Variants in SLC51A observed in about 807,000 individuals in gnomAD.
SLC51A encodes organic solute transporter subunit alpha.
In SLC51A, 22 loss-of-function variants were observed where a neutral mutation model predicts 34.8. The observed-to-expected ratio is 0.63, with a 90% CI of 0.45 to 0.90. SLC51A has a LOEUF of 0.90. SLC51A is among the 40% of genes least tolerant of loss of function. The pLI, the probability that SLC51A is intolerant of heterozygous loss-of-function variation, is 0.00. For synonymous variants in SLC51A, 181 were observed against 176.3 expected, an observed-to-expected ratio of 1.03 and a Z score of -0.21; for missense variants, 371 against 414.8, an observed-to-expected ratio of 0.89 and a Z score of 0.92.
intron 4 of SLC51A, 55 bp downstream of exon 4, chr3:196,227,792 G>C: frequency 6.6e-7 from 1 of 1,512,794 alleles, no homozygotes; most frequent in Non-Finnish European, 9.1e-7. Context: ...CGCTCACCAG[G>C]ACTCGAGTCC....
intron 2 of SLC51A, among the ~76,000 whole-genome samples, chr3:196,221,286 T>C (rs1277134954): frequency 6.6e-6 from 1 of 152,046 alleles, no homozygotes; most frequent in Non-Finnish European, 1.5e-5. Flanking sequence ...AAAAAAGCTA[T>C]TATTCTAGAA....
At chr3:196,219,205 A>C (rs966291049) in intron 2 of SLC51A, among the ~76,000 whole-genome samples, 2 of 152,200 alleles carry the variant, frequency 1.3e-5, no homozygotes, top group Admixed American at 1.3e-4. Flanking sequence ...CAGCCTGGGC[A>C]ACAGAGTGAG....
At chr3:196,226,348 ATGT>A (rs1723893542) in intron 2 of SLC51A, among the ~76,000 whole-genome samples, 1 of 151,910 alleles carries the variant, frequency 6.6e-6, no homozygotes, top group African/African-American at 2.4e-5. Flanking sequence ...TTCTCTGCTA[ATGT>A]CCTGGTTTCA....
chr3:196,229,143 A>G (rs1203636021), intron 6 of SLC51A, among the ~76,000 whole-genome samples: 2 of 152,160 alleles, frequency 1.3e-5, no homozygotes, highest in Admixed American at 6.5e-5. Flanking sequence ...CAAAGGAAGC[A>G]CCAGGTGCCA....
At chr3:196,229,801 T>A in intron 6 of SLC51A, 114 bp from the exon 7 acceptor site, 1 of 1,258,258 alleles carries the variant, frequency 7.9e-7, no homozygotes, top group Non-Finnish European at 1.1e-6. Context: ...TGCAGTGAGC[T>A]ATCATTGCAC....
At position 196,228,260 on chromosome 3, in the gene SLC51A, C is replaced by T; in HGVS notation, c.508C>T (p.Leu170=). 2 of 1,611,820 alleles carry T rather than the reference C, an allele frequency of 1.2e-6. No individual in the cohort carries two copies. The highest frequency in any genetic ancestry group is 1.7e-5 in the Admixed American group (1 of 59,996). Reference sequence around the variant, plus strand: ...CTGCTGCTGCCCCTGCTGTCCACGGCTGCTGCTCACCAGGTGAGGCGGGGC... The same window carrying T: ...CTGCTGCTGCCCCTGCTGTCCACGGTTGCTGCTCACCAGGTGAGGCGGGGC... ...CCCCCPCCPR[L]LLTRKKLQLL... Residue 170 remains leucine (L), a synonymous_variant, in exon 5 of 9, where the codon CTG becomes TTG. Coordinates refer to ENST00000296327, the MANE Select transcript of SLC51A (RefSeq NM_152672.6). The surrounding 1 kb of genome is among the most constrained non-coding windows in gnomAD (Gnocchi z 4.9).
In SLC51A at chr3:196,230,045, A is replaced by C; in HGVS notation, c.764A>C (p.Lys255Thr). The C allele has an allele frequency of 6.2e-7, 1 of 1,612,794 alleles. No individual in the cohort carries two copies. Among genetic ancestry groups the C allele is most frequent in the Non-Finnish European group, 8.5e-7 (1 of 1,179,430 alleles). ...LHLGEQNMGAKFALFQVLLIL... is the reference protein window; with the variant it reads ...LHLGEQNMGATFALFQVLLIL... The stretch of plus-strand genomic sequence containing the variant: ...CTGGGTGAGCAGAACATGGGAGCCA[A>C]ATTTGCTCTGTTCCAGGTAACTATA... Residue 255 changes from lysine to threonine, a missense_variant, in exon 7 of 9, where the codon AAA (lysine) becomes ACA (threonine). Transcript: ENST00000296327.
Position 196,228,535 on chromosome 3 carries a change from C to T in SLC51A, c.521+262C>T, listed in dbSNP as rs957352371. On this transcript the variant is annotated intron_variant, in intron 5 of 8. Transcript: ENST00000296327. This position sits in a 1 kb window ranked among gnomAD's most constrained non-coding sequence, Gnocchi z 4.9. ...AGAAAACTGGACTTGGGGCCATTCG[C>T]TTGCCCCTTCTGCCCACTTTGGTGA... 1.2e-5 allele frequency: 7 copies of T among 607,842 alleles called. No individual in the cohort carries two copies. In the Admixed American group the frequency reaches 1.2e-4, roughly 10 times the overall value. 37.7% of individuals were successfully genotyped at this position (607,842 alleles called of 1,614,324 possible).
chr3:196,216,886 T>TTC lies in SLC51A; in HGVS notation c.38+136_38+137insTC. ...ACAGGACTGGAAATGCTCTAGCTGT[T>TTC]CCTAGGTCCTCAGGGACAACGTGGG... On this transcript the variant is annotated intron_variant, in intron 1 of 8. Coordinates refer to ENST00000296327, the MANE Select transcript of SLC51A (RefSeq NM_152672.6). The surrounding 1 kb of genome is among the most constrained non-coding windows in gnomAD (Gnocchi z 4.5). 1.0e-6 allele frequency: 1 copy of TTC among 974,244 alleles called. No homozygotes were observed. 60.3% of individuals were successfully genotyped at this position (974,244 alleles called of 1,614,324 possible).
chr3:196,229,029 T>C, intron 6 of SLC51A, 109 bp downstream of exon 6: 1 of 924,804 alleles, frequency 1.1e-6, no homozygotes, highest in Non-Finnish European at 1.7e-6. Context: ...CAGAAAAGGG[T>C]GGCTGTGGGA....
chr3:196,227,055 T>C lies in SLC51A; in HGVS notation c.224T>C (p.Leu75Pro). The change falls in exon 3 of 9, where the codon CTG becomes CCG. Residue 75 changes from leucine (L) to proline (P), a missense_variant. Leu to Pro is a moderately conservative substitution (Grantham distance 98). Transcript: ENST00000296327. ...IAIFLEDAVY[L>P]YKNTLCPIKR... ...ATCTTCCTGGAGGATGCCGTCTACC[T>C]GTACAAGAACACCCTTTGCCCCATC... 1.2e-6 allele frequency: 2 copies of C among 1,614,120 alleles called. No homozygotes were observed. The highest frequency in any genetic ancestry group is 1.7e-5 in the Admixed American group (1 of 60,016).
chr3:196,223,136 C>T (rs1263930510), intron 2 of SLC51A, among the ~76,000 whole-genome samples: 1 of 151,756 alleles, frequency 6.6e-6, no homozygotes, highest in Admixed American at 6.6e-5. Context: ...TCACGAATAC[C>T]TGCGTTTAAA....
At position 196,228,617 on chromosome 3, in the gene SLC51A, G is replaced by A; in HGVS notation, c.522-192G>A. On this transcript the variant is annotated intron_variant, in intron 5 of 8. Transcript: ENST00000296327. This position sits in a 1 kb window ranked among gnomAD's most constrained non-coding sequence, Gnocchi z 4.9. ...TCCAAAGACGGAATTCTTGTCTGGA[G>A]GTGAGTGGGAGACCAAGAGGGTTCC... The A allele has an allele frequency of 1.6e-6, 1 of 614,886 alleles. No individual in the cohort carries two copies. Among genetic ancestry groups the A allele is most frequent in the Non-Finnish European group, 2.9e-6 (1 of 345,168 alleles). The allele number at this position is 614,886 out of a possible 1,614,324, so 38.1% of individuals were successfully genotyped here. A position where few individuals can be genotyped will look rare whatever the true frequency, so the allele number is the denominator to read the frequency against.
At chr3:196,220,008 C>G (rs889476793) in intron 2 of SLC51A, among the ~76,000 whole-genome samples, 3 of 152,232 alleles carry the variant, frequency 2.0e-5, no homozygotes, top group Non-Finnish European at 2.9e-5. Flanking sequence ...GAGGATTTGG[C>G]CAGCGGGCCC....
chr3:196,227,191 A>G (rs749899956), intron 3 of SLC51A, 72 bp downstream of exon 3: 2 of 1,167,910 alleles, frequency 1.7e-6, no homozygotes, highest in Non-Finnish European at 2.4e-6. Context: ...ATTCCTCTAA[A>G]CTCAGCACGT....
At chr3:196,227,142 G>GT (rs1400345228) in intron 3 of SLC51A, 23 bp downstream of exon 3, 3 of 1,609,088 alleles carry the variant, frequency 1.9e-6, no homozygotes, top group South Asian at 1.1e-5. Flanking sequence ...GGGCTGCCCT[G>GT]TGGGGGGAAC....
chr3:196,228,491 G>A lies in SLC51A; in HGVS notation c.521+218G>A, dbSNP rs1723951611. The A allele has an allele frequency of 4.7e-6, 3 of 635,940 alleles. No individual in the cohort carries two copies. The highest frequency in any genetic ancestry group is 2.9e-5 in the Admixed American group (1 of 33,936). The allele number at this position is 635,940 out of a possible 1,614,324, so 39.4% of individuals were successfully genotyped here. A position where few individuals can be genotyped will look rare whatever the true frequency, so the allele number is the denominator to read the frequency against. ...TCATCACTGAACTTCACTGCACCCT[G>A]CAAGCCTTAGCCACACAGAGAAAAC... On this transcript the variant is annotated intron_variant, in intron 5 of 8. Transcript: ENST00000296327. This position sits in a 1 kb window ranked among gnomAD's most constrained non-coding sequence, Gnocchi z 4.9.
rs1387962254 is a variant in SLC51A at position 196,221,919 on chromosome 3, C to T, written c.133+3983C>T. Among the ~76,000 whole-genome samples the T allele has an allele frequency of 8.6e-5, 13 of 151,948 alleles. No individual in the cohort carries two copies. The East Asian group carries it at 1.4e-3, about 16-fold the overall frequency. ...TTTTTTAGTAGAGACGGGGTTTCACCGTGTTAGTCAGGATGGTCTCGATCT... is the reference window on the plus strand; with the variant it reads ...TTTTTTAGTAGAGACGGGGTTTCACTGTGTTAGTCAGGATGGTCTCGATCT... On this transcript the variant is annotated intron_variant, in intron 2 of 8. Coordinates refer to ENST00000296327, the MANE Select transcript of SLC51A (RefSeq NM_152672.6).
intron 2 of SLC51A, among the ~76,000 whole-genome samples, chr3:196,223,098 G>A (rs1723804200): frequency 6.6e-6 from 1 of 151,730 alleles, no homozygotes; most frequent in Non-Finnish European, 1.5e-5. Context: ...GTCACTGTGT[G>A]TCATGGTTAA....
Sources: gnomAD v4.1 joint callset for allele counts (sites outside exome capture counted in the v4.1 genomes callset) on GRCh38, gnomAD v4.1.1 for gene constraint, Gnocchi (gnomAD v3.1) non-coding constraint, MANE v1.5 for transcripts, NCBI Gene and HGNC (gene_info 2026-07-23, HGNC 2026-07-21) for gene names.